The following CARMIL1 variants were observed in gnomAD, a reference collection of about 807,000 sequenced individuals.
CARMIL1 encodes capping protein regulator and myosin 1 linker 1.
A neutral mutation model predicts 177.1 loss-of-function variants in CARMIL1; 90 were observed. The observed-to-expected ratio is 0.51, with a 90% CI of 0.43 to 0.61. The LOEUF is 0.61. Ranked by LOEUF, CARMIL1 falls within the 20% of genes least tolerant of loss-of-function variation. The pLI is 0.00. For missense variants in CARMIL1, 1,380 were observed against 1,667.0 expected (o/e 0.83, Z 3.00); for synonymous variants, 577 against 606.2 (o/e 0.95, Z 0.71).
At chr6:25,359,014 T>C (rs1006755037) in intron 2 of CARMIL1, among the ~76,000 whole-genome samples, 1 of 152,228 alleles carries the variant, frequency 6.6e-6, no homozygotes, top group Non-Finnish European at 1.5e-5. Flanking sequence ...TCATTCTATG[T>C]ACAATGTATT....
intron 2 of CARMIL1, among the ~76,000 whole-genome samples, chr6:25,378,325 C>A (rs1306701479): frequency 1.3e-5 from 2 of 152,188 alleles, no homozygotes; most frequent in African/African-American, 4.8e-5. Context: ...TTTGCATGGC[C>A]TTCAGGCCAC....
At chr6:25,360,726 G>A (rs1045858695) in intron 2 of CARMIL1, among the ~76,000 whole-genome samples, 6 of 152,216 alleles carry the variant, frequency 3.9e-5, no homozygotes, top group Non-Finnish European at 7.3e-5. Flanking sequence ...ATTGGGAAGT[G>A]TGCAGCCTGG....
At chr6:25,332,775 GCACA>G (rs1441062522) in intron 2 of CARMIL1, among the ~76,000 whole-genome samples, 5 of 137,206 alleles carry the variant, frequency 3.6e-5, no homozygotes, top group Non-Finnish European at 8.0e-5. Context: ...ACACACACGC[GCACA>G]CACACACACA....
rs1562185410 is a variant in CARMIL1 at position 25,472,656 on chromosome 6, G to A, written c.874+135G>A. On this transcript the variant is annotated intron_variant, in intron 11 of 36. Transcript: ENST00000329474. ...CTGTTAATGGTCCTGTTGGCTTCCA[G>A]TTCTTTCCACCCTTTCATATAAATG... 15 of 637,786 alleles carry A rather than the reference G, an allele frequency of 2.4e-5. No individual in the cohort carries two copies. In the South Asian group the frequency reaches 3.2e-4, roughly 14 times the overall value. 39.5% of individuals were successfully genotyped at this position (637,786 alleles called of 1,614,324 possible). A position where few individuals can be genotyped will look rare whatever the true frequency, so the allele number is the denominator to read the frequency against.
chr6:25,560,813 A>C (rs546256034), intron 29 of CARMIL1, among the ~76,000 whole-genome samples: 1 of 152,346 alleles, frequency 6.6e-6, no homozygotes, highest in East Asian at 1.9e-4. Flanking sequence ...GATGAAATGA[A>C]CATGTGAACA....
chr6:25,404,573 A>G (rs1157890323), intron 2 of CARMIL1, among the ~76,000 whole-genome samples: 4 of 152,060 alleles, frequency 2.6e-5, no homozygotes, highest in Non-Finnish European at 5.9e-5. Context: ...CCTGGCCAAC[A>G]TGGTAAAACC....
At chr6:25,449,770 A>G (rs1003980604) in intron 5 of CARMIL1, 128 bp from the exon 6 acceptor site, 2 of 559,176 alleles carry the variant, frequency 3.6e-6, no homozygotes, top group Non-Finnish European at 6.3e-6. Context: ...AAATTGAAAA[A>G]TTGAAGAAAA....
At chr6:25,373,337 C>A (rs1790615015) in intron 2 of CARMIL1, among the ~76,000 whole-genome samples, 2 of 149,734 alleles carry the variant, frequency 1.3e-5, no homozygotes, top group South Asian at 4.2e-4. Flanking sequence ...AGATTGGTAC[C>A]AATTTTTCTT....
chr6:25,491,002 A>G (rs918582488), intron 13 of CARMIL1, among the ~76,000 whole-genome samples: 2 of 152,212 alleles, frequency 1.3e-5, no homozygotes, highest in Non-Finnish European at 2.9e-5. Flanking sequence ...GCTTGGACTC[A>G]GCTTGTTATG....
intron 29 of CARMIL1, among the ~76,000 whole-genome samples, chr6:25,574,650 A>G (rs1361810370): frequency 1.3e-5 from 2 of 152,336 alleles, no homozygotes; most frequent in African/African-American, 4.8e-5. Context: ...AACAGTGTAT[A>G]ATATTATTTT....
At chr6:25,364,075 A>G (rs953467805) in intron 2 of CARMIL1, among the ~76,000 whole-genome samples, 1 of 151,702 alleles carries the variant, frequency 6.6e-6, no homozygotes, top group Non-Finnish European at 1.5e-5. Context: ...CCATGTAGCT[A>G]GCTATGACCA....
chr6:25,280,068 TGGGTGGGAGGA>T (rs920030949), intron 1 of CARMIL1, among the ~76,000 whole-genome samples: 6 of 151,230 alleles, frequency 4.0e-5, no homozygotes, highest in Non-Finnish European at 8.8e-5. Context: ...CCTCGGGAGG[TGGGTGGGAGGA>T]GGGTCTCGAC....
chr6:25,535,192 A>C (rs1228609489), intron 24 of CARMIL1, among the ~76,000 whole-genome samples: 1 of 152,106 alleles, frequency 6.6e-6, no homozygotes, highest in Non-Finnish European at 1.5e-5. Context: ...GTTACAATCC[A>C]TTTCACTAAG....
intron 4 of CARMIL1, among the ~76,000 whole-genome samples, chr6:25,431,927 A>G (rs1156434572): frequency 1.3e-5 from 2 of 152,186 alleles, no homozygotes; most frequent in African/African-American, 4.8e-5. Context: ...GCTTCTGTAA[A>G]TGGCCTAGCA....
chr6:25,619,199 C>T (rs950659895), intron 36 of CARMIL1, among the ~76,000 whole-genome samples: 14 of 152,188 alleles, frequency 9.2e-5, no homozygotes, highest in Non-Finnish European at 1.6e-4. Context: ...TTGCCCACAT[C>T]TATGAGAGGT....
chr6:25,387,069 G>T (rs1022427978), intron 2 of CARMIL1, among the ~76,000 whole-genome samples: 1 of 130,898 alleles, frequency 7.6e-6, no homozygotes, highest in East Asian at 2.4e-4. Flanking sequence ...GGCCGAGATC[G>T]CACCATTGCA....
chr6:25,349,974 G>A (rs1010873755), intron 2 of CARMIL1, among the ~76,000 whole-genome samples: 10 of 152,032 alleles, frequency 6.6e-5, no homozygotes, highest in Non-Finnish European at 1.3e-4. Context: ...TGATCCGCCC[G>A]CCTTAGCCTC....
chr6:25,408,323 G>A (rs527955043), intron 2 of CARMIL1, among the ~76,000 whole-genome samples: 1 of 150,980 alleles, frequency 6.6e-6, no homozygotes, highest in South Asian at 2.1e-4. Flanking sequence ...AAGATTTCGG[G>A]CAGAGAGTGG....
intron 2 of CARMIL1, among the ~76,000 whole-genome samples, chr6:25,299,908 G>A (rs1165704754): frequency 2.0e-5 from 3 of 151,440 alleles, no homozygotes; most frequent in African/African-American, 7.3e-5. Context: ...AAACTGGGAG[G>A]TAGAGGTTGC....
Sources: gnomAD v4.1 joint callset for allele counts (sites outside exome capture counted in the v4.1 genomes callset) on GRCh38, gnomAD v4.1.1 for gene constraint, MANE v1.5 for transcripts, NCBI Gene and HGNC (gene_info 2026-07-23, HGNC 2026-07-21) for gene names.